Variants in NFYB observed in about 807,000 individuals in gnomAD.
The protein encoded by NFYB is CAAT box DNA-binding protein subunit B.
A neutral mutation model predicts 28.0 loss-of-function variants in NFYB; 13 were observed. The ratio of observed to expected loss-of-function variants is 0.46; its 90% confidence interval spans 0.30 to 0.74. The LOEUF is 0.74. Ranked by LOEUF, NFYB falls within the 30% of genes least tolerant of loss-of-function variation. NFYB has a pLI of 0.07. For missense variants in NFYB, 142 were observed against 247.6 expected (o/e 0.57, Z 2.86); for synonymous variants, 74 against 75.0 (o/e 0.99, Z 0.07).
intron 2 of NFYB, 42 bp from the exon 3 acceptor site, chr12:104,128,559 T>A: frequency 7.5e-7 from 1 of 1,325,544 alleles, no homozygotes; most frequent in Non-Finnish European, 1.1e-6. Context: ...TTCAAAGTAC[T>A]AACAAACGTA....
rs75168434 is a variant in NFYB, at chr12:104,137,164, G to A, written c.-80+977C>T. On this transcript the variant is annotated intron_variant, in intron 1 of 7. Coordinates refer to ENST00000240055, the MANE Select transcript of NFYB (RefSeq NM_006166.4). ...AACCACGCAACTATGGGGTCCATGC[G>A]GGTTAGTGGGATGCCATTTTTTTAA... Among the ~76,000 whole-genome samples the A allele has an allele frequency of 7.8e-4, 118 of 152,248 alleles. 1 individual carries two copies. In the East Asian group the frequency reaches 0.02, roughly 26 times the overall value.
Position 104,134,485 on chromosome 12 carries a change from C to CT in NFYB, c.6+962dup, listed in dbSNP as rs377102412. Among the ~76,000 whole-genome samples the CT allele has an allele frequency of 5.0e-3, 761 of 152,308 alleles. 3 individuals carry two copies. Among genetic ancestry groups the CT allele is most frequent in the African/African-American group, 0.017 (715 of 41,556 alleles). On this transcript the variant is annotated intron_variant, in intron 2 of 7. Transcript: ENST00000240055. The stretch of plus-strand genomic sequence containing the variant: ...CCATCTCCTTCAAGCTCTACCTCAT[C>CT]TATTACCTCTTTAAAAATGTCTCCT...
chr12:104,137,544 G>GC (rs1399674573), intron 1 of NFYB: 1 of 152,170 alleles, frequency 6.6e-6, no homozygotes, highest in Non-Finnish European at 1.5e-5. Context: ...GTGCCAGGAG[G>GC]CCGCCCCCAG....
At chr12:104,121,455 G>C (rs943730737) in intron 5 of NFYB, 134 bp from the exon 6 acceptor site, 1 of 688,050 alleles carries the variant, frequency 1.5e-6, no homozygotes, top group Non-Finnish European at 2.5e-6. Context: ...AACACTTCTG[G>C]TTAATTACAT....
chr12:104,129,191 T>C (rs1297089658), intron 2 of NFYB, among the ~76,000 whole-genome samples: 3 of 152,172 alleles, frequency 2.0e-5, no homozygotes, highest in Non-Finnish European at 4.4e-5. Context: ...TTAGTAAAGC[T>C]GTACACAGTG....
Position 104,118,830 on chromosome 12 carries a change from A to T in NFYB, c.*907T>A, listed in dbSNP as rs1308362192. The T allele has an allele frequency of 6.6e-6, 1 of 152,198 alleles. No homozygotes were observed. Among genetic ancestry groups the T allele is most frequent in the Non-Finnish European group, 1.5e-5 (1 of 68,020 alleles). The allele number at this position is 152,198 out of a possible 1,614,324, so 9.4% of individuals were successfully genotyped here. A position where few individuals can be genotyped will look rare whatever the true frequency, so the allele number is the denominator to read the frequency against. The stretch of plus-strand genomic sequence containing the variant: ...TTTCCATAGTGTAACAGGAAACTTG[A>T]CATTTCAATTAAAAAGGTAAAATGA... On this transcript the variant is annotated 3_prime_UTR_variant, in exon 8 of 8. Coordinates refer to ENST00000240055, the MANE Select transcript of NFYB (RefSeq NM_006166.4).
At chr12:104,137,129 T>G (rs2031130444) in intron 1 of NFYB, among the ~76,000 whole-genome samples, 1 of 152,286 alleles carries the variant, frequency 6.6e-6, no homozygotes, top group East Asian at 1.9e-4. Context: ...CCCCAGTGAT[T>G]TGTAGCACGA....
chr12:104,122,022 T>A lies in NFYB; in HGVS notation c.430-701A>T, dbSNP rs138483969. Among the ~76,000 whole-genome samples the A allele has an allele frequency of 2.2e-4, 33 of 152,318 alleles. No individual in the cohort carries two copies. In the East Asian group the frequency reaches 6.0e-3, roughly 28 times the overall value. ...GATAAACCTAAGAAATATAGAAGAATTCAATCAATAATAAGACATATGATT... is the reference window on the plus strand; with the variant it reads ...GATAAACCTAAGAAATATAGAAGAAATCAATCAATAATAAGACATATGATT... On this transcript the variant is annotated intron_variant, in intron 5 of 7. Transcript: ENST00000240055.
intron 5 of NFYB, among the ~76,000 whole-genome samples, chr12:104,122,527 C>T (rs530885639): frequency 1.3e-5 from 2 of 152,296 alleles, no homozygotes; most frequent in African/African-American, 2.4e-5. Flanking sequence ...GCTCCGCCTT[C>T]GGTCAGATCA....
rs191414728 is a variant in NFYB, at chr12:104,134,638, G to C, written c.6+810C>G. Among the ~76,000 whole-genome samples the C allele has an allele frequency of 8.7e-4, 132 of 152,194 alleles. No homozygotes were observed. The Middle Eastern group carries it at 0.017, about 20-fold the overall frequency. On this transcript the variant is annotated intron_variant, in intron 2 of 7. Transcript: ENST00000240055. ...AACCTATTCTCAAAGGTTCCTAAAG[G>C]CTTCCTGTGTCAAATCCAAACCTCA...
At chr12:104,128,315 G>A (rs1236896206) in intron 3 of NFYB, 109 bp downstream of exon 3, 10 of 654,684 alleles carry the variant, frequency 1.5e-5, no homozygotes, top group Non-Finnish European at 2.3e-5. Context: ...ACACAAGATT[G>A]TAAATTTTCC....
At position 104,135,537 on chromosome 12, in the gene NFYB, A is replaced by T; in HGVS notation, c.-79-5T>A. 15 of 1,244,214 alleles carry T rather than the reference A, an allele frequency of 1.2e-5. No homozygotes were observed. The highest frequency in any genetic ancestry group is 1.6e-5 in the Non-Finnish European group (14 of 887,656). 77.1% of individuals were successfully genotyped at this position (1,244,214 alleles called of 1,614,324 possible). On this transcript the variant is annotated splice_region_variant and splice_polypyrimidine_tract_variant and intron_variant, in intron 1 of 7. Transcript: ENST00000240055. ...TCTAATCTTTGTGATTTCAACCTAAAAGATAAACATCTATTAGGACCTAAC... is the reference window on the plus strand; with the variant it reads ...TCTAATCTTTGTGATTTCAACCTAATAGATAAACATCTATTAGGACCTAAC...
At chr12:104,136,134 T>C (rs1450167800) in intron 1 of NFYB, among the ~76,000 whole-genome samples, 1 of 152,218 alleles carries the variant, frequency 6.6e-6, no homozygotes, top group Non-Finnish European at 1.5e-5. Context: ...ATTTATAATT[T>C]TGAAGCACCA....
At chr12:104,125,051 A>G (rs2030629975) in intron 4 of NFYB, among the ~76,000 whole-genome samples, 1 of 152,212 alleles carries the variant, frequency 6.6e-6, no homozygotes, top group African/African-American at 2.4e-5. Flanking sequence ...ATGAGTTTTA[A>G]AAGTTCTAAG....
Position 104,119,725 on chromosome 12 carries a change from CA to C in NFYB, c.*11del, listed in dbSNP as rs1274949502. ...CATTTCTCTACACTCCCCATTCCAT[CA>C]TTTCTTCAGATCATGAAAACTGAAT... On this transcript the variant is annotated 3_prime_UTR_variant, in exon 8 of 8. Coordinates refer to ENST00000240055, the MANE Select transcript of NFYB (RefSeq NM_006166.4). The C allele has an allele frequency of 6.3e-7, 1 of 1,594,956 alleles. No homozygotes were observed. The highest frequency in any genetic ancestry group is 8.6e-7 in the Non-Finnish European group (1 of 1,164,060).
chr12:104,123,491 G>T, intron 4 of NFYB, 68 bp from the exon 5 acceptor site: 1 of 1,282,652 alleles, frequency 7.8e-7, no homozygotes, highest in South Asian at 1.3e-5. Flanking sequence ...CTACAAAAAT[G>T]AAAGCCTATT....
At position 104,124,043 on chromosome 12, in the gene NFYB, C is replaced by T. The variant is rs115308474; in HGVS notation, c.232-620G>A. 7.4e-3 allele frequency among the ~76,000 whole-genome samples: 1,123 copies of T among 152,296 alleles called. 21 individuals carry two copies. The highest frequency in any genetic ancestry group is 0.073 in the South Asian group (354 of 4,824). On this transcript the variant is annotated intron_variant, in intron 4 of 7. Coordinates refer to ENST00000240055, the MANE Select transcript of NFYB (RefSeq NM_006166.4). ...CCTACCACCCCACAGAGGATGAAAACTCTTAATAACCCAGTGCCCCTGGAA... is the reference window on the plus strand; with the variant it reads ...CCTACCACCCCACAGAGGATGAAAATTCTTAATAACCCAGTGCCCCTGGAA...
intron 1 of NFYB, among the ~76,000 whole-genome samples, chr12:104,136,726 T>C (rs2031114609): frequency 6.6e-6 from 1 of 152,158 alleles, no homozygotes. Context: ...CAGTATATAT[T>C]TAGACTCAGT....
chr12:104,126,075 C>G, intron 4 of NFYB, 39 bp downstream of exon 4: 1 of 1,529,306 alleles, frequency 6.5e-7, no homozygotes, highest in Non-Finnish European at 8.7e-7. Flanking sequence ...TTTCGTGTTT[C>G]CCTTGAAAAA....
Sources: allele counts gnomAD v4.1 joint callset (sites outside exome capture counted in the v4.1 genomes callset), GRCh38; gene constraint gnomAD v4.1.1; transcripts MANE v1.5; gene names NCBI Gene and HGNC (gene_info 2026-07-23, HGNC 2026-07-21).